The following XRCC4 variants were observed in gnomAD, a reference collection of about 807,000 sequenced individuals.
The protein encoded by XRCC4 is DNA repair protein XRCC4.
In XRCC4, 28 loss-of-function variants were observed where a neutral mutation model predicts 39.1. The observed-to-expected ratio is 0.72, with a 90% CI of 0.53 to 0.98. The LOEUF (loss-of-function observed/expected upper bound fraction) is 0.98, where lower values mean the gene tolerates loss of function less well. Ranked by LOEUF, XRCC4 falls within the 50% of genes least tolerant of loss-of-function variation. The pLI is 0.00. For synonymous variants in XRCC4, 123 were observed against 126.4 expected (o/e 0.97, Z 0.18); for missense variants, 350 against 376.4 (o/e 0.93, Z 0.58).
chr5:83,374,316 T>G, the XRCC4 span, among the ~76,000 whole-genome samples: 3 of 152,126 alleles, frequency 2.0e-5, no homozygotes, highest in Admixed American at 6.6e-5. Flanking sequence ...TCTCACAAGA[T>G]CTGATGATTT....
At chr5:83,339,089 G>A (rs772421670) in intron 7 of XRCC4, among the ~76,000 whole-genome samples, 6 of 152,126 alleles carry the variant, frequency 3.9e-5, no homozygotes, top group East Asian at 1.9e-4. Context: ...TGTGGAATAC[G>A]GTGATCTGTT....
At chr5:83,299,418 G>A (rs1288255737) in intron 7 of XRCC4, among the ~76,000 whole-genome samples, 1 of 152,052 alleles carries the variant, frequency 6.6e-6, no homozygotes, top group Non-Finnish European at 1.5e-5. Context: ...TGTGATTTTT[G>A]AGGTGAAGGT....
chr5:83,278,864 T>A (rs1360188323), intron 7 of XRCC4, among the ~76,000 whole-genome samples: 1 of 151,092 alleles, frequency 6.6e-6, no homozygotes, highest in African/African-American at 2.4e-5. Flanking sequence ...GACGTGTGCC[T>A]ATAATCCCAG....
chr5:83,093,913 G>A (rs569475263), intron 1 of XRCC4, among the ~76,000 whole-genome samples: 7 of 152,010 alleles, frequency 4.6e-5, no homozygotes, highest in South Asian at 2.1e-4. Context: ...CCCATCCCCC[G>A]AGCAGTTTGA....
At chr5:83,321,215 A>G (rs1756062304) in intron 7 of XRCC4, among the ~76,000 whole-genome samples, 1 of 152,136 alleles carries the variant, frequency 6.6e-6, no homozygotes, top group Admixed American at 6.6e-5. Context: ...CTTTATTGAG[A>G]TTTTGACTTT....
At chr5:83,301,194 C>T (rs1030649645) in intron 7 of XRCC4, among the ~76,000 whole-genome samples, 1 of 152,222 alleles carries the variant, frequency 6.6e-6, no homozygotes, top group African/African-American at 2.4e-5. Flanking sequence ...ACACTCCCAG[C>T]AACAGTGTAA....
chr5:83,329,775 A>T (rs1330219426), intron 7 of XRCC4, among the ~76,000 whole-genome samples: 1 of 152,124 alleles, frequency 6.6e-6, no homozygotes, highest in East Asian at 1.9e-4. Flanking sequence ...CATTAAATTA[A>T]CTGGCCAATT....
At chr5:83,311,237 T>A (rs1285777493) in intron 7 of XRCC4, among the ~76,000 whole-genome samples, 1 of 152,260 alleles carries the variant, frequency 6.6e-6, no homozygotes, top group Non-Finnish European at 1.5e-5. Context: ...GAAGAGAGGT[T>A]GATTGATGGG....
At chr5:83,358,610 T>C (rs1265165757), downstream of XRCC4, among the ~76,000 whole-genome samples, 2 of 152,142 alleles carry the variant, frequency 1.3e-5, no homozygotes, top group South Asian at 2.1e-4. Flanking sequence ...AATTTTCTTT[T>C]AAGGGCAGGA....
chr5:83,126,056 T>G (rs1181626277), intron 3 of XRCC4, among the ~76,000 whole-genome samples: 1 of 152,040 alleles, frequency 6.6e-6, no homozygotes, highest in African/African-American at 2.4e-5. Flanking sequence ...AAAATTTTAT[T>G]TTAGATAATT....
At chr5:83,257,479 A>G (rs1004750308) in intron 6 of XRCC4, among the ~76,000 whole-genome samples, 7 of 152,314 alleles carry the variant, frequency 4.6e-5, no homozygotes, top group Admixed American at 2.6e-4. Flanking sequence ...AATCAAAACC[A>G]CAATGAGATA....
chr5:83,176,663 C>T, intron 3 of XRCC4, among the ~76,000 whole-genome samples: 1 of 150,158 alleles, frequency 6.7e-6, no homozygotes, highest in Non-Finnish European at 1.5e-5. Flanking sequence ...CACTCTGTCA[C>T]CCAGGCTGGA....
intron 7 of XRCC4, 63 bp downstream of exon 7, chr5:83,258,740 T>C: frequency 1.3e-6 from 2 of 1,524,466 alleles, no homozygotes; most frequent in South Asian, 2.4e-5. Context: ...GCATATGATC[T>C]TAAAAATTAT....
intron 7 of XRCC4, among the ~76,000 whole-genome samples, chr5:83,327,384 T>TTA (rs1756298139): frequency 6.6e-6 from 1 of 152,068 alleles, no homozygotes; most frequent in African/African-American, 2.4e-5. Context: ...CATTGCTTTT[T>TTA]TATGAGTAGT....
intron 6 of XRCC4, among the ~76,000 whole-genome samples, chr5:83,252,660 A>G (rs1258676785): frequency 6.6e-6 from 1 of 152,120 alleles, no homozygotes; most frequent in African/African-American, 2.4e-5. Flanking sequence ...CTATTTTGTC[A>G]TCTCAGAAAT....
chr5:83,147,935 A>G lies in XRCC4; in HGVS notation c.315+36732A>G, dbSNP rs560246821. Among the ~76,000 whole-genome samples, 13 of 151,948 alleles carry G rather than the reference A, an allele frequency of 8.6e-5. No individual in the cohort carries two copies. The South Asian group carries it at 2.5e-3, about 29-fold the overall frequency. On this transcript the variant is annotated intron_variant, in intron 3 of 7. Transcript: ENST00000396027. ...CCTCCTTAGCTGGGATTACAGACAC[A>G]TGCCACTATGCCCAGCTAATTTTTG...
At chr5:83,167,722 T>G (rs891467833) in intron 3 of XRCC4, among the ~76,000 whole-genome samples, 2 of 152,160 alleles carry the variant, frequency 1.3e-5, no homozygotes, top group Non-Finnish European at 2.9e-5. Flanking sequence ...AGATAAGAGA[T>G]AGTGACAACT....
intron 6 of XRCC4, among the ~76,000 whole-genome samples, chr5:83,257,229 A>T (rs1461548869): frequency 2.0e-5 from 3 of 152,168 alleles, no homozygotes; most frequent in Admixed American, 1.3e-4. Flanking sequence ...AGAAAAAATT[A>T]AGCTTTGGGC....
intron 6 of XRCC4, among the ~76,000 whole-genome samples, chr5:83,242,424 T>C (rs1489610287): frequency 6.6e-6 from 1 of 152,122 alleles, no homozygotes; most frequent in Non-Finnish European, 1.5e-5. Context: ...TCTCTTGCTC[T>C]ACTTACTTCA....
Sources: allele counts gnomAD v4.1 joint callset (sites outside exome capture counted in the v4.1 genomes callset), GRCh38; gene constraint gnomAD v4.1.1; transcripts MANE v1.5; gene names NCBI Gene and HGNC (gene_info 2026-07-23, HGNC 2026-07-21).